Variants in ITGA3 observed in about 807,000 individuals in gnomAD.
ITGA3 encodes integrin subunit alpha 3.
Under a neutral mutation model 131.1 loss-of-function variants are expected in ITGA3, and 70 were observed. The ratio of observed to expected loss-of-function variants is 0.53; its 90% CI spans 0.44 to 0.65. The LOEUF (loss-of-function observed/expected upper bound fraction) is 0.65. Ranked by LOEUF, ITGA3 falls within the 30% of genes least tolerant of loss-of-function variation. ITGA3 has a pLI of 0.00. For synonymous variants in ITGA3, 537 were observed against 571.6 expected, an observed-to-expected ratio of 0.94 and a Z score of 0.86; for missense variants, 1,098 against 1,388.6, an observed-to-expected ratio of 0.79 and a Z score of 3.33.
At chr17:50,066,955 TTC>T (rs943612660) in intron 3 of ITGA3, among the ~76,000 whole-genome samples, 76 of 152,304 alleles carry the variant, frequency 5.0e-4, no homozygotes, top group African/African-American at 1.8e-3. Context: ...CTGCTGGGAT[TTC>T]TGTCACCTTT....
chr17:50,082,180 G>GTAGT (rs577932521), intron 23 of ITGA3, among the ~76,000 whole-genome samples: 225 of 151,652 alleles, frequency 1.5e-3, no homozygotes, highest in Non-Finnish European at 2.6e-3. Context: ...ATGTATTTAT[G>GTAGT]TATTTATTTA....
chr17:50,066,259 G>A (rs1598183043), intron 3 of ITGA3, among the ~76,000 whole-genome samples: 3 of 151,618 alleles, frequency 2.0e-5, no homozygotes, highest in Admixed American at 2.0e-4. Context: ...CTCCCAAACT[G>A]CTAGTGCTAG....
Position 50,088,311 on chromosome 17 carries a change from A to G in ITGA3, c.3132A>G (p.Thr1044=). Residue 1044 remains threonine, a synonymous_variant, in exon 25 of 26, where the codon ACA becomes ACG. Coordinates refer to ENST00000320031, the MANE Select transcript of ITGA3 (RefSeq NM_002204.4). ...AGATGAAGAGCCAGCCGTCAGAGAC[A>G]GAGAGGCTGACCGACGACTACTGAG... is the stretch of plus-strand genomic sequence containing the variant. ...KAEMKSQPSE[T]ERLTDDY 1 of 1,585,042 alleles carries G rather than the reference A, an allele frequency of 6.3e-7. No homozygotes were observed. The highest frequency in any genetic ancestry group is 1.1e-5 in the South Asian group (1 of 87,082).
chr17:50,078,379 C>A, intron 18 of ITGA3, 95 bp downstream of exon 18: 1 of 995,686 alleles, frequency 1.0e-6, no homozygotes, highest in East Asian at 2.4e-5. Context: ...TCTGACCCCT[C>A]TCTTGGCCCA....
chr17:50,062,307 A>T (rs1908126059), intron 1 of ITGA3, among the ~76,000 whole-genome samples: 1 of 152,212 alleles, frequency 6.6e-6, no homozygotes, highest in Admixed American at 6.5e-5. Context: ...CTTCAGGCAG[A>T]ACAAACCCTA....
intron 4 of ITGA3, 56 bp from the exon 5 acceptor site, chr17:50,070,788 C>A: frequency 8.2e-7 from 1 of 1,212,626 alleles, no homozygotes; most frequent in African/African-American, 1.5e-5. Flanking sequence ...GTAGAGGAAA[C>A]CAGAAACCGG....
rs555469830 is a variant in ITGA3 at position 50,089,185 on chromosome 17, C to A, written c.*107C>A. ...CGCAGTGCGGATCCGGGAGGAGGAG[C>A]GCTACCCACCTCCAGGGAGCACCCT... On this transcript the variant is annotated 3_prime_UTR_variant, in exon 26 of 26. Coordinates refer to ENST00000320031, the MANE Select transcript of ITGA3 (RefSeq NM_002204.4). 6.2e-7 allele frequency: 1 copy of A among 1,611,958 alleles called. No homozygotes were observed. The highest frequency in any genetic ancestry group is 2.2e-5 in the East Asian group (1 of 44,874).
intron 13 of ITGA3, 37 bp from the exon 14 acceptor site, chr17:50,076,547 G>T (rs111983058): frequency 9.4e-5 from 151 of 1,605,430 alleles, no homozygotes; most frequent in Non-Finnish European, 1.2e-4. Context: ...GCACTGGGGG[G>T]GGTGGTGCGG....
chr17:50,073,996 C>T lies in ITGA3; in HGVS notation c.1237C>T (p.Pro413Ser). The stretch of plus-strand genomic sequence containing the variant: ...TAGCTCTAAGGGGCTCCTTAGACAG[C>T]CCCAGCAGGTACAGAGAGACGGGGA... ...HSSSKGLLRQ[P>S]QQVIHGEKLG... Residue 413 changes from proline (P) to serine (S), a missense_variant, in exon 8 of 26, where the codon CCC becomes TCC. By Grantham distance (74) the Pro-to-Ser change is moderately conservative. Transcript: ENST00000320031. 6.2e-7 allele frequency: 1 copy of T among 1,612,104 alleles called. No individual in the cohort carries two copies. The highest frequency in any genetic ancestry group is 8.5e-7 in the Non-Finnish European group (1 of 1,178,222).
intron 23 of ITGA3, among the ~76,000 whole-genome samples, chr17:50,083,443 G>T (rs1909263462): frequency 6.6e-6 from 1 of 152,050 alleles, no homozygotes; most frequent in East Asian, 1.9e-4. Context: ...ACTAAAAGAG[G>T]CTGGGCACGG....
At chr17:50,080,599 C>T (rs1909148525) in intron 22 of ITGA3, among the ~76,000 whole-genome samples, 1 of 151,994 alleles carries the variant, frequency 6.6e-6, no homozygotes, top group Non-Finnish European at 1.5e-5. Context: ...CCATTACTGT[C>T]CCACCTCCAT....
chr17:50,075,410 G>GA, intron 10 of ITGA3, 49 bp from the exon 11 acceptor site: 1 of 1,587,454 alleles, frequency 6.3e-7, no homozygotes, highest in Non-Finnish European at 8.7e-7. Context: ...CTAGGGCCTG[G>GA]ACGTGTGTGT....
chr17:50,087,545 T>A, intron 23 of ITGA3, 199 bp from the exon 24 acceptor site: 1 of 542,994 alleles, frequency 1.8e-6, no homozygotes, highest in Non-Finnish European at 3.2e-6. Flanking sequence ...TCCTCTGGAG[T>A]CAAGTCTGTG....
At chr17:50,073,412 C>A (rs1908716521) in intron 7 of ITGA3, among the ~76,000 whole-genome samples, 1 of 151,874 alleles carries the variant, frequency 6.6e-6, no homozygotes, top group Non-Finnish European at 1.5e-5. Flanking sequence ...ATAATAGTAC[C>A]CACCCCACAG....
Position 50,072,005 on chromosome 17 carries a change from G to A in ITGA3, c.979G>A (p.Gly327Ser). The change falls in exon 7 of 26, where the codon GGC becomes AGC. Residue 327 changes from glycine to serine, a missense_variant. This residue lies in a region of ITGA3 where 356 missense variants were observed against 529.2 expected (regional missense o/e 0.67). Coordinates refer to ENST00000320031, the MANE Select transcript of ITGA3 (RefSeq NM_002204.4). ...NNDGWQDLLV[G>S]APYYFERKEE... The stretch of plus-strand genomic sequence containing the variant: ...GTGTAGGTGGCAGGACCTCCTGGTG[G>A]GCGCCCCCTACTACTTCGAGAGGAA... 6.2e-7 allele frequency: 1 copy of A among 1,613,496 alleles called. No homozygotes were observed. The highest frequency in any genetic ancestry group is 8.5e-7 in the Non-Finnish European group (1 of 1,179,748).
intron 19 of ITGA3, 47 bp downstream of exon 19, chr17:50,078,973 T>G (rs747171811): frequency 1.3e-6 from 2 of 1,525,642 alleles, no homozygotes; most frequent in African/African-American, 2.7e-5. Context: ...TAGGAAGGAT[T>G]ATTTTTATTT....
chr17:50,086,702 A>AC (rs1909455344), intron 23 of ITGA3: 1 of 150,886 alleles, frequency 6.6e-6, no homozygotes, highest in Non-Finnish European at 1.5e-5. Context: ...AAAAAAAAAA[A>AC]AAAAACCTCA....
In ITGA3 at chr17:50,090,109, C is replaced by T. The variant is rs770890772; in HGVS notation, c.*1031C>T. ...CCACTACCAGCCAGCCTCAGAAGGC[C>T]CCAGAGAGACCCTGCAAGACCACGG... On this transcript the variant is annotated 3_prime_UTR_variant, in exon 26 of 26. Coordinates refer to ENST00000320031, the MANE Select transcript of ITGA3 (RefSeq NM_002204.4). The T allele has an allele frequency of 3.1e-5, 12 of 385,812 alleles. No individual in the cohort carries two copies. Among genetic ancestry groups the T allele is most frequent in the African/African-American group, 6.3e-5 (3 of 47,664 alleles). The allele number at this position is 385,812 out of a possible 1,614,324, so 23.9% of individuals were successfully genotyped here. A position where few individuals can be genotyped will look rare whatever the true frequency, so the allele number is the denominator to read the frequency against.
At chr17:50,062,428 A>T (rs1354823959) in intron 1 of ITGA3, among the ~76,000 whole-genome samples, 1 of 152,178 alleles carries the variant, frequency 6.6e-6, no homozygotes, top group Non-Finnish European at 1.5e-5. Context: ...GTGGTCAGGC[A>T]GTGGACTCAT....
Sources: allele counts gnomAD v4.1 joint callset (sites outside exome capture counted in the v4.1 genomes callset), GRCh38; gene constraint gnomAD v4.1.1; regional missense constraint gnomAD v4.1.1; transcripts MANE v1.5; gene names NCBI Gene and HGNC (gene_info 2026-07-23, HGNC 2026-07-21).